Variants in TC2N observed in about 807,000 individuals in gnomAD.
The protein encoded by TC2N is tandem C2 domains, nuclear, also known as tandem C2 domains nuclear protein.
TC2N carries 51 observed loss-of-function variants against 61.9 expected under a neutral mutation model. That is an observed-to-expected ratio of 0.82 (90% CI 0.66 to 1.04). The LOEUF (loss-of-function observed/expected upper bound fraction) is 1.04, where lower values mean the gene tolerates loss of function less well. Ranked by LOEUF, TC2N falls within the 50% of genes least tolerant of loss-of-function variation. The pLI is 0.00. For synonymous variants in TC2N, 204 were observed against 192.6 expected (o/e 1.06, Z -0.49); for missense variants, 556 against 566.7 (o/e 0.98, Z 0.19).
chr14:91,825,780 A>C (rs1887469712), intron 1 of TC2N, among the ~76,000 whole-genome samples: 2 of 152,220 alleles, frequency 1.3e-5, no homozygotes, highest in South Asian at 4.1e-4. Flanking sequence ...CTTTATTAAT[A>C]ACAAAGCCCT....
intron 1 of TC2N, among the ~76,000 whole-genome samples, chr14:91,857,947 G>GTTT (rs1888513773): frequency 6.6e-6 from 1 of 151,038 alleles, no homozygotes; most frequent in African/African-American, 2.4e-5. Flanking sequence ...GAATATTTGG[G>GTTT]TTTTTGTTGT....
At chr14:91,831,702 C>G (rs2139895924) in intron 1 of TC2N, among the ~76,000 whole-genome samples, 1 of 152,270 alleles carries the variant, frequency 6.6e-6, no homozygotes, top group East Asian at 1.9e-4. Flanking sequence ...TCACACCATA[C>G]AAAAATCAGT....
intron 4 of TC2N, 67 bp downstream of exon 4, chr14:91,802,187 C>T (rs10498631): frequency 0.32 from 434,764 of 1,370,256 alleles, 70,200 homozygotes; most frequent in Middle Eastern, 0.36. Context: ...ATTCCCATAT[C>T]TTACATTTGA....
intron 8 of TC2N, among the ~76,000 whole-genome samples, chr14:91,794,092 T>C (rs1209457401): frequency 6.6e-6 from 1 of 152,200 alleles, no homozygotes; most frequent in Non-Finnish European, 1.5e-5. Context: ...AGCCACAACA[T>C]TCCCTTAAGC....
chr14:91,813,582 T>C, intron 2 of TC2N, 121 bp downstream of exon 2: 1 of 646,204 alleles, frequency 1.5e-6, no homozygotes, highest in Non-Finnish European at 2.8e-6. Flanking sequence ...ATTTACTTAG[T>C]GTGCCTTATG....
At chr14:91,796,535 G>A (rs1311941679) in intron 8 of TC2N, among the ~76,000 whole-genome samples, 1 of 151,584 alleles carries the variant, frequency 6.6e-6, no homozygotes, top group East Asian at 1.9e-4. Flanking sequence ...GATCAGTGAA[G>A]TTAAGAAAAG....
chr14:91,793,702 C>T (rs554394051), intron 8 of TC2N, among the ~76,000 whole-genome samples: 1 of 152,150 alleles, frequency 6.6e-6, no homozygotes, highest in Non-Finnish European at 1.5e-5. Context: ...TATGTGTGTT[C>T]TGACGGCTCT....
intron 1 of TC2N, among the ~76,000 whole-genome samples, chr14:91,817,095 T>G (rs748306151): frequency 7.9e-5 from 12 of 152,038 alleles, no homozygotes; most frequent in Non-Finnish European, 1.5e-4. Context: ...CTAAATTATT[T>G]TTTTAAAACT....
chr14:91,814,532 AG>A (rs1886925415), intron 1 of TC2N, among the ~76,000 whole-genome samples: 1 of 151,404 alleles, frequency 6.6e-6, no homozygotes, highest in African/African-American at 2.4e-5. Flanking sequence ...GAAGTATAAA[AG>A]GGCAGACAAA....
At chr14:91,848,107 G>C (rs1190603595) in intron 1 of TC2N, among the ~76,000 whole-genome samples, 1 of 152,188 alleles carries the variant, frequency 6.6e-6, no homozygotes, top group African/African-American at 2.4e-5. Flanking sequence ...TAGGTCACAT[G>C]CTTATTTTTG....
Position 91,798,372 on chromosome 14 carries a change from C to G in TC2N, c.665G>C (p.Arg222Thr), listed in dbSNP as rs1886025129. 2 of 1,581,574 alleles carry G rather than the reference C, an allele frequency of 1.3e-6. No individual in the cohort carries two copies. Among genetic ancestry groups the G allele is most frequent in the Admixed American group, 3.6e-5 (2 of 56,098 alleles). The part of the protein sequence containing the change: ...LDTITLSGDE[R>T]DFGRLNVKLF... ...TTTCACATTCAGTCTCCCAAAGTCCCTTTCATCTCCTGATAGAGTAATTGT... is the reference window on the plus strand; with the variant it reads ...TTTCACATTCAGTCTCCCAAAGTCCGTTTCATCTCCTGATAGAGTAATTGT... The change falls in exon 7 of 12, where the codon AGG becomes ACG. Residue 222 changes from arginine to threonine, a missense_variant. Transcript: ENST00000435962.
At chr14:91,818,561 T>A (rs1595252435) in intron 1 of TC2N, among the ~76,000 whole-genome samples, 1 of 151,314 alleles carries the variant, frequency 6.6e-6, no homozygotes, top group Non-Finnish European at 1.5e-5. Context: ...GAACCCATAA[T>A]GAAGAGGAAA....
At chr14:91,838,351 G>A (rs1888104077) in intron 1 of TC2N, among the ~76,000 whole-genome samples, 1 of 152,036 alleles carries the variant, frequency 6.6e-6, no homozygotes, top group Non-Finnish European at 1.5e-5. Context: ...ATGCTTTGCT[G>A]TCCAGGCTGG....
chr14:91,831,493 C>T (rs1348593899), intron 1 of TC2N, among the ~76,000 whole-genome samples: 1 of 152,142 alleles, frequency 6.6e-6, no homozygotes, highest in East Asian at 1.9e-4. Flanking sequence ...GTTCTTTAAA[C>T]AGCTAAAGTA....
At chr14:91,843,546 A>G (rs932941869) in intron 1 of TC2N, among the ~76,000 whole-genome samples, 4 of 152,366 alleles carry the variant, frequency 2.6e-5, no homozygotes, top group Non-Finnish European at 4.4e-5. Context: ...TTACTGCTGA[A>G]TATTAGTGAT....
At chr14:91,798,679 T>A (rs1305036415) in intron 6 of TC2N, among the ~76,000 whole-genome samples, 4 of 152,008 alleles carry the variant, frequency 2.6e-5, no homozygotes, top group Non-Finnish European at 4.4e-5. Context: ...ATAACATTTA[T>A]ATGGCCTTAA....
intron 3 of TC2N, among the ~76,000 whole-genome samples, chr14:91,810,908 A>C (rs995212165): frequency 2.0e-5 from 3 of 152,104 alleles, no homozygotes; most frequent in African/African-American, 7.2e-5. Context: ...CAATATCAAA[A>C]GGTTCAACAT....
chr14:91,848,902 C>T lies in TC2N; in HGVS notation c.-57+18360G>A, dbSNP rs1202114493. ...CTATTTTGCTTTCACCGCTTTGGGC[C>T]ATCTGCAAATCCTGCCTTCCTTTTT... On this transcript the variant is annotated intron_variant, in intron 1 of 11. Transcript: ENST00000435962. Among the ~76,000 whole-genome samples the T allele has an allele frequency of 2.6e-5, 4 of 152,284 alleles. No homozygotes were observed. The East Asian group carries it at 5.8e-4, about 22-fold the overall frequency.
At chr14:91,809,452 A>G (rs1454554418) in intron 3 of TC2N, among the ~76,000 whole-genome samples, 1 of 152,160 alleles carries the variant, frequency 6.6e-6, no homozygotes. Context: ...CACTCCTACC[A>G]GACCCAACTC....
Sources: gnomAD v4.1 joint callset for allele counts (sites outside exome capture counted in the v4.1 genomes callset) on GRCh38, gnomAD v4.1.1 for gene constraint, MANE v1.5 for transcripts, NCBI Gene and HGNC (gene_info 2026-07-23, HGNC 2026-07-21) for gene names.